DAB1: variants seen among roughly 807,000 people sequenced by gnomAD.
DAB1 encodes the protein disabled homolog 1.
DAB1 carries 15 observed loss-of-function variants against 64.6 expected under a neutral mutation model. The observed-to-expected ratio is 0.23, with a 90% CI of 0.16 to 0.36. The LOEUF (loss-of-function observed/expected upper bound fraction) is 0.36, where lower values mean the gene tolerates loss of function less well. DAB1 is among the 10% of genes least tolerant of loss of function. The pLI is 1.00. For synonymous variants in DAB1, 235 were observed against 251.9 expected (o/e 0.93, Z 0.64); for missense variants, 596 against 706.7 (o/e 0.84, Z 1.78).
At chr1:58,135,659 GCCT>G (rs1653902172) in intron 5 of DAB1, among the ~76,000 whole-genome samples, 1 of 152,094 alleles carries the variant, frequency 6.6e-6, no homozygotes, top group Non-Finnish European at 1.5e-5. Context: ...TGCTGTAGGT[GCCT>G]TTTGCTTTAT....
chr1:58,196,762 A>T (rs1200610401), intron 4 of DAB1, among the ~76,000 whole-genome samples: 1 of 152,172 alleles, frequency 6.6e-6, no homozygotes, highest in Non-Finnish European at 1.5e-5. Flanking sequence ...CTACCATGAG[A>T]GCAGCACGGG....
intron 5 of DAB1, among the ~76,000 whole-genome samples, chr1:57,997,666 G>A (rs1240283440): frequency 2.0e-5 from 3 of 152,056 alleles, no homozygotes; most frequent in African/African-American, 7.2e-5. Context: ...CTGAACTGGG[G>A]GTGAAGACTA....
intron 6 of DAB1, among the ~76,000 whole-genome samples, chr1:57,695,361 G>GAAGAAAGA (rs774722340): frequency 5.8e-4 from 40 of 68,666 alleles, no homozygotes; most frequent in East Asian, 1.1e-3. Flanking sequence ...AGAAAAGAAA[G>GAAGAAAGA]AAGAAAGAAA....
intron 5 of DAB1, among the ~76,000 whole-genome samples, chr1:58,080,633 T>C (rs1014617366): frequency 2.0e-5 from 3 of 152,252 alleles, no homozygotes; most frequent in African/African-American, 7.2e-5. Context: ...AAATTTGGGC[T>C]GTGCCTCTCA....
chr1:58,234,260 T>C (rs1659913340), intron 4 of DAB1, among the ~76,000 whole-genome samples: 1 of 152,204 alleles, frequency 6.6e-6, no homozygotes, highest in Non-Finnish European at 1.5e-5. Flanking sequence ...ATCTATCGAT[T>C]ATTGACTGCC....
chr1:57,050,495 C>T (rs540710875), intron 9 of DAB1, among the ~76,000 whole-genome samples: 101 of 152,322 alleles, frequency 6.6e-4, no homozygotes, highest in Admixed American at 4.2e-3. Flanking sequence ...GTCATCAGCC[C>T]GTGTGACATG....
At chr1:57,248,527 G>A (rs943169375) in intron 2 of DAB1, among the ~76,000 whole-genome samples, 3 of 152,122 alleles carry the variant, frequency 2.0e-5, no homozygotes, top group Non-Finnish European at 4.4e-5. Context: ...ACATATGACT[G>A]TATCAGCTAA....
intron 1 of DAB1, among the ~76,000 whole-genome samples, chr1:57,293,201 G>T (rs1250095882): frequency 6.6e-6 from 1 of 151,992 alleles, no homozygotes; most frequent in Non-Finnish European, 1.5e-5. Flanking sequence ...TCTTTCTATG[G>T]AATCTCTTGT....
At chr1:58,206,273 T>C (rs1442710582) in intron 4 of DAB1, among the ~76,000 whole-genome samples, 3 of 152,198 alleles carry the variant, frequency 2.0e-5, no homozygotes, top group Non-Finnish European at 4.4e-5. Flanking sequence ...TAGGTTGCAT[T>C]TTTTTGAGTT....
intron 4 of DAB1, among the ~76,000 whole-genome samples, chr1:58,168,394 G>A (rs964685281): frequency 4.6e-5 from 7 of 152,104 alleles, no homozygotes; most frequent in African/African-American, 1.7e-4. Flanking sequence ...GCCCGTCTAT[G>A]CTATCTATCC....
At chr1:57,809,654 C>T (rs377325963) in intron 6 of DAB1, among the ~76,000 whole-genome samples, 5 of 152,166 alleles carry the variant, frequency 3.3e-5, no homozygotes, top group African/African-American at 4.8e-5. Context: ...TGAGGACTGA[C>T]AGTCGCCTCC....
At chr1:57,922,578 G>A (rs1232075295) in intron 5 of DAB1, among the ~76,000 whole-genome samples, 2 of 151,996 alleles carry the variant, frequency 1.3e-5, no homozygotes. Context: ...AATGTTCCAT[G>A]GGTAAGTTGG....
chr1:57,113,543 G>A (rs1251923577), intron 4 of DAB1, among the ~76,000 whole-genome samples: 1 of 152,162 alleles, frequency 6.6e-6, no homozygotes, highest in East Asian at 1.9e-4. Context: ...TGCAAAAGCA[G>A]CCATAGGTAA....
At chr1:57,430,922 AC>A (rs762139312) in intron 7 of DAB1, among the ~76,000 whole-genome samples, 1 of 141,004 alleles carries the variant, frequency 7.1e-6, no homozygotes, top group South Asian at 2.3e-4. Flanking sequence ...AAAAAAAAAA[AC>A]TTGTCCTGAA....
At chr1:57,667,904 A>G (rs975531377) in intron 6 of DAB1, among the ~76,000 whole-genome samples, 7 of 152,036 alleles carry the variant, frequency 4.6e-5, no homozygotes, top group African/African-American at 1.7e-4. Context: ...GAGGGAGAGC[A>G]TTAGGACAAA....
chr1:57,196,178 G>A (rs1480472974), intron 2 of DAB1, among the ~76,000 whole-genome samples: 1 of 152,186 alleles, frequency 6.6e-6, no homozygotes, highest in Non-Finnish European at 1.5e-5. Flanking sequence ...GTCTCAAAAT[G>A]TAGACTTTAA....
intron 9 of DAB1, among the ~76,000 whole-genome samples, chr1:57,058,850 T>C (rs1269592594): frequency 6.6e-6 from 1 of 152,234 alleles, no homozygotes; most frequent in South Asian, 2.1e-4. Flanking sequence ...TTTCAGGCAC[T>C]ATGCTAGGTG....
chr1:57,970,740 G>A (rs1645777615), intron 5 of DAB1, among the ~76,000 whole-genome samples: 1 of 151,986 alleles, frequency 6.6e-6, no homozygotes, highest in African/African-American at 2.4e-5. Flanking sequence ...TAATCCATAG[G>A]AACTTTGATA....
chr1:57,225,381 T>C (rs1295592768), intron 2 of DAB1, among the ~76,000 whole-genome samples: 1 of 152,166 alleles, frequency 6.6e-6, no homozygotes, highest in Non-Finnish European at 1.5e-5. Context: ...TAGACTGAAT[T>C]GAACTGAATT....
Sources: allele counts gnomAD v4.1 joint callset (sites outside exome capture counted in the v4.1 genomes callset), GRCh38; gene constraint gnomAD v4.1.1; transcripts MANE v1.5; gene names NCBI Gene and HGNC (gene_info 2026-07-23, HGNC 2026-07-21).